Variants in FRYL observed in about 807,000 individuals in gnomAD.
The protein encoded by FRYL is FRY like transcription coactivator, also known as protein furry homolog-like.
Under a neutral mutation model 351.2 loss-of-function variants are expected in FRYL, and 150 were observed. The ratio of observed to expected loss-of-function variants is 0.43; its 90% CI spans 0.37 to 0.49. The LOEUF (loss-of-function observed/expected upper bound fraction) is 0.49, where lower values mean the gene tolerates loss of function less well. FRYL is among the 20% of genes least tolerant of loss of function. The probability of loss-of-function intolerance (pLI) is 0.00; values close to 1 mark genes in which losing one functional copy is unlikely to be tolerated. For missense variants in FRYL, 3,036 were observed against 3,619.3 expected (o/e 0.84, Z 4.13); for synonymous variants, 1,153 against 1,257.1 (o/e 0.92, Z 1.75).
chr4:48,632,697 T>C (rs1196553229), intron 4 of FRYL, among the ~76,000 whole-genome samples: 1 of 152,122 alleles, frequency 6.6e-6, no homozygotes, highest in African/African-American at 2.4e-5. Flanking sequence ...AGTTTTGAAA[T>C]ATACATTTGG....
rs956241776 is a variant in FRYL, at chr4:48,540,401, G to A, written c.6247C>T (p.Leu2083Phe). 7 of 1,613,780 alleles carry A rather than the reference G, an allele frequency of 4.3e-6. No individual in the cohort carries two copies. The Admixed American group carries it at 6.7e-5, about 15-fold the overall frequency. Residue 2083 changes from leucine to phenylalanine, a missense_variant, in exon 46 of 64, where the codon CTC (leucine) becomes TTC (phenylalanine). Coordinates refer to ENST00000358350, the MANE Select transcript of FRYL (RefSeq NM_015030.2). ...QEMTVHLLSK[L>F]ISVSKHTLVD... is the part of the protein sequence containing the mutation. ...AATGTATGTTTGGAGACAGAAATGA[G>A]TTTACTGAGGAGGTGCACGGTCATT...
chr4:48,680,449 A>T (rs1764439524), intron 3 of FRYL, among the ~76,000 whole-genome samples: 1 of 151,958 alleles, frequency 6.6e-6, no homozygotes, highest in Non-Finnish European at 1.5e-5. Flanking sequence ...CCTTTGCAGG[A>T]TTACACATAA....
intron 60 of FRYL, among the ~76,000 whole-genome samples, chr4:48,503,821 A>G (rs1720286501): frequency 6.6e-6 from 1 of 152,212 alleles, no homozygotes; most frequent in South Asian, 2.1e-4. Flanking sequence ...GTTGAGCACA[A>G]TCCAAGGTCA....
At chr4:48,675,121 C>T (rs1763371781) in intron 3 of FRYL, among the ~76,000 whole-genome samples, 2 of 152,246 alleles carry the variant, frequency 1.3e-5, no homozygotes, top group East Asian at 1.9e-4. Flanking sequence ...AATCTCGGCT[C>T]ACTGCAAGCT....
At chr4:48,560,704 C>T (rs1431998223) in intron 33 of FRYL, among the ~76,000 whole-genome samples, 1 of 152,120 alleles carries the variant, frequency 6.6e-6, no homozygotes, top group African/African-American at 2.4e-5. Flanking sequence ...GGCATTGCTA[C>T]CAACTACCAG....
intron 19 of FRYL, among the ~76,000 whole-genome samples, chr4:48,583,943 A>G (rs1741502604): frequency 6.6e-6 from 1 of 152,108 alleles, no homozygotes; most frequent in Admixed American, 6.5e-5. Flanking sequence ...GACTCTGCAC[A>G]TAAGTTCCTA....
At chr4:48,731,912 G>A (rs1233135869) in intron 1 of FRYL, among the ~76,000 whole-genome samples, 1 of 152,168 alleles carries the variant, frequency 6.6e-6, no homozygotes, top group Non-Finnish European at 1.5e-5. Context: ...GGCAACAGAA[G>A]CCAAAATTGA....
At chr4:48,594,206 G>A (rs1744122586) in intron 15 of FRYL, among the ~76,000 whole-genome samples, 190 bp from the exon 16 acceptor site, 1 of 152,066 alleles carries the variant, frequency 6.6e-6, no homozygotes, top group African/African-American at 2.4e-5. Flanking sequence ...ATTATCAAAT[G>A]ATTTGTTTAA....
intron 4 of FRYL, among the ~76,000 whole-genome samples, chr4:48,630,024 T>C (rs1209394374): frequency 1.3e-5 from 2 of 152,094 alleles, no homozygotes; most frequent in South Asian, 4.1e-4. Flanking sequence ...AGCAAGAATA[T>C]ATAAACCAAA....
chr4:48,513,552 T>C (rs576036529), intron 56 of FRYL, among the ~76,000 whole-genome samples: 1 of 152,208 alleles, frequency 6.6e-6, no homozygotes, highest in Non-Finnish European at 1.5e-5. Flanking sequence ...AAATGTGTTA[T>C]TCAAGGTCTT....
Position 48,658,584 on chromosome 4 carries a change from CA to C in FRYL, c.-80-24095del, listed in dbSNP as rs11388062. 2.7e-3 allele frequency among the ~76,000 whole-genome samples: 261 copies of C among 95,858 alleles called. 4 individuals carry two copies. The highest frequency in any genetic ancestry group is 0.012 in the Middle Eastern group (2 of 172). 62.9% of individuals were successfully genotyped at this position (95,858 alleles called of 152,430 possible). Reference sequence around the variant, plus strand: ...AAACCCTCATCTCTACAAAAAAATACAAAAAAAAAAAAAAAAAAAAATTGCC... The same window carrying C: ...AAACCCTCATCTCTACAAAAAAATACAAAAAAAAAAAAAAAAAAAATTGCC... On this transcript the variant is annotated intron_variant, in intron 3 of 63. Coordinates refer to ENST00000358350, the MANE Select transcript of FRYL (RefSeq NM_015030.2).
At chr4:48,645,692 A>C (rs1560779554) in intron 3 of FRYL, among the ~76,000 whole-genome samples, 1 of 152,154 alleles carries the variant, frequency 6.6e-6, no homozygotes, top group Non-Finnish European at 1.5e-5. Flanking sequence ...GCTGATTCTA[A>C]TATGCAGCCA....
intron 53 of FRYL, among the ~76,000 whole-genome samples, chr4:48,525,009 A>AT (rs1725704359): frequency 6.7e-6 from 1 of 149,756 alleles, no homozygotes; most frequent in Non-Finnish European, 1.5e-5. Flanking sequence ...CCTACAATAT[A>AT]TTTTTTCAAA....
intron 4 of FRYL, among the ~76,000 whole-genome samples, chr4:48,632,104 ATATATATATATAT>A (rs1753265339): frequency 2.0e-5 from 1 of 49,924 alleles, no homozygotes; most frequent in African/African-American, 5.6e-5. Context: ...ATATATATAT[ATATATATATATAT>A]ATATATATAT....
chr4:48,530,680 T>C (rs1727360852), intron 50 of FRYL, among the ~76,000 whole-genome samples: 1 of 152,144 alleles, frequency 6.6e-6, no homozygotes, highest in Non-Finnish European at 1.5e-5. Context: ...TGGAACACCA[T>C]GCTTTCTCAC....
intron 3 of FRYL, among the ~76,000 whole-genome samples, chr4:48,670,424 C>T (rs1762467028): frequency 6.6e-6 from 1 of 151,068 alleles, no homozygotes; most frequent in African/African-American, 2.4e-5. Context: ...CAGAGTGAGA[C>T]TCCATCTCGA....
chr4:48,523,610 T>G (rs1432108325), intron 53 of FRYL: 1 of 153,200 alleles, frequency 6.5e-6, no homozygotes, highest in African/African-American at 2.4e-5. Flanking sequence ...CAAAGACTGA[T>G]TCAAGCTCTG....
In FRYL at chr4:48,739,571, C is replaced by T. The variant is rs575499460; in HGVS notation, c.-383-28873G>A. Among the ~76,000 whole-genome samples the T allele has an allele frequency of 9.9e-5, 15 of 151,558 alleles. No individual in the cohort carries two copies. In the East Asian group the frequency reaches 1.9e-3, roughly 20 times the overall value. ...TTAAACTCACCACAAAAAAAAAACT[C>T]AAAATGAATCACAGACCCAAATCTA... is the stretch of plus-strand genomic sequence containing the variant. On this transcript the variant is annotated intron_variant, in intron 1 of 63. Transcript: ENST00000358350.
At position 48,593,913 on chromosome 4, in the gene FRYL, C is replaced by A; in HGVS notation, c.1335+17G>T. 1 of 1,134,010 alleles carries A rather than the reference C, an allele frequency of 8.8e-7. No individual in the cohort carries two copies. Among genetic ancestry groups the A allele is most frequent in the African/African-American group, 2.0e-5 (1 of 48,972 alleles). The allele number at this position is 1,134,010 out of a possible 1,614,324, so 70.2% of individuals were successfully genotyped here. A position where few individuals can be genotyped will look rare whatever the true frequency, so the allele number is the denominator to read the frequency against. ...AAAAATCTAGGATTTTATATTATTA[C>A]ATTATAATTTTTTTACCTCTGGATT... On this transcript the variant is annotated intron_variant, in intron 16 of 63. Transcript: ENST00000358350.
Sources: allele counts gnomAD v4.1 joint callset (sites outside exome capture counted in the v4.1 genomes callset), GRCh38; gene constraint gnomAD v4.1.1; transcripts MANE v1.5; gene names NCBI Gene and HGNC (gene_info 2026-07-23, HGNC 2026-07-21).